The following ZRSR2 variants were observed in gnomAD, a reference collection of about 807,000 sequenced individuals.
ZRSR2 encodes U2 small nuclear ribonucleoprotein auxiliary factor 35 kDa subunit-related protein 2.
ZRSR2 carries 3 observed loss-of-function variants against 39.4 expected under a neutral mutation model. That is an observed-to-expected ratio of 0.08 (90% CI 0.03 to 0.20). ZRSR2 has a LOEUF of 0.20. ZRSR2 is among the 10% of genes least tolerant of loss of function. ZRSR2 has a pLI of 1.00. For missense variants in ZRSR2, 256 were observed against 391.5 expected, an observed-to-expected ratio of 0.65 and a Z score of 2.92; for synonymous variants, 137 against 136.0, an observed-to-expected ratio of 1.01 and a Z score of -0.05.
At position 15,823,188 on chromosome X, in the gene ZRSR2, C is replaced by T; in HGVS notation, c.1395C>T (p.Gly465=). 8.4e-7 allele frequency: 1 copy of T among 1,197,331 alleles called. No individual in the cohort carries two copies. Among genetic ancestry groups the T allele is most frequent in the Non-Finnish European group, 1.1e-6 (1 of 889,292 alleles). Residue 465 remains glycine, a synonymous_variant, in exon 11 of 11, where the codon GGC becomes GGT. Coordinates refer to ENST00000307771, the MANE Select transcript of ZRSR2 (RefSeq NM_005089.4). ...GTTCCTCTAGGTCCCGAAGTCGTGG[C>T]AGGAGGAGGTCGGGTAATAGAGACA... ...SQSSSRSRSR[G]RRRSGNRDRT... is the part of the protein sequence containing the mutation.
intron 7 of ZRSR2, among the ~76,000 whole-genome samples, chrX:15,811,081 C>T (rs1932874001): frequency 9.1e-6 from 1 of 109,293 alleles, no homozygotes; most frequent in Non-Finnish European, 1.9e-5. Context: ...TGAAAAGAGT[C>T]ATGGGATCTG....
Position 15,808,234 on chromosome X carries a change from A to C in ZRSR2, c.401A>C (p.Glu134Ala), listed in dbSNP as rs1342896987. 1 of 1,208,686 alleles carries C rather than the reference A, an allele frequency of 8.3e-7. No homozygotes were observed. The highest frequency in any genetic ancestry group is 1.8e-5 in the South Asian group (1 of 56,339). ...AGTCCTGTGTTTGCACCATTTTAGG[A>C]AGCTTTGCAGAAGATGCTGGATCAG... ...QKRQEKKEKE[E>A]ALQKMLDQAE... Residue 134 changes from glutamate (E) to alanine (A), a missense_variant and splice_region_variant, in exon 6 of 11, where the codon GAA becomes GCA. Physicochemically the swap from Glu to Ala is moderately radical, Grantham distance 107. Transcript: ENST00000307771.
At chrX:15,813,379 G>A (rs1180868656) in intron 7 of ZRSR2, among the ~76,000 whole-genome samples, 1 of 112,269 alleles carries the variant, frequency 8.9e-6, no homozygotes, top group East Asian at 2.8e-4. Flanking sequence ...ATGGTCTAGG[G>A]TAGGAAGTAA....
intron 2 of ZRSR2, among the ~76,000 whole-genome samples, chrX:15,798,284 A>AT (rs762188251): frequency 6.3e-5 from 7 of 111,214 alleles, no homozygotes; most frequent in Admixed American, 1.9e-4. Context: ...ACTTTCACTG[A>AT]TTTTTTTCCC....
chrX:15,815,832 A>G lies in ZRSR2; in HGVS notation c.713A>G (p.Asp238Gly), dbSNP rs1268952799. ...GAAGAAACCTACCAACAGTTCCTAG[A>G]CTTCTATGAGGATGTGTTGCCCGAG... ...SEEETYQQFL[D>G]FYEDVLPEFK... is the part of the protein sequence containing the mutation. Residue 238 changes from aspartate to glycine, a missense_variant, in exon 8 of 11, where the codon GAC becomes GGC. Asp to Gly is a moderately conservative substitution (Grantham distance 94). Coordinates refer to ENST00000307771, the MANE Select transcript of ZRSR2 (RefSeq NM_005089.4). 1 of 1,210,240 alleles carries G rather than the reference A, an allele frequency of 8.3e-7. No individual in the cohort carries two copies. The highest frequency in any genetic ancestry group is 2.2e-5 in the Admixed American group (1 of 45,768).
chrX:15,800,906 A>G (rs1327073209), intron 3 of ZRSR2, among the ~76,000 whole-genome samples: 1 of 112,379 alleles, frequency 8.9e-6, no homozygotes, highest in Non-Finnish European at 1.9e-5. Flanking sequence ...ATCCTTGGTA[A>G]TTGTCCAGTT....
rs780249405 is a variant in ZRSR2 at position 15,822,162 on chromosome X, T to C, written c.938-569T>C. Among the ~76,000 whole-genome samples, 3 of 111,110 alleles carry C rather than the reference T, an allele frequency of 2.7e-5. No individual in the cohort carries two copies. In the East Asian group the frequency reaches 8.5e-4, roughly 31 times the overall value. On this transcript the variant is annotated intron_variant, in intron 10 of 10. Coordinates refer to ENST00000307771, the MANE Select transcript of ZRSR2 (RefSeq NM_005089.4). ...CCTGCCACCACGCCCAGCTAATTTTTGTATTTTTAGTAGAGATGGGGTTTC... is the reference window on the plus strand; with the variant it reads ...CCTGCCACCACGCCCAGCTAATTTTCGTATTTTTAGTAGAGATGGGGTTTC...
intron 3 of ZRSR2, among the ~76,000 whole-genome samples, chrX:15,801,119 G>A (rs767225429): frequency 1.6e-4 from 18 of 112,842 alleles, no homozygotes; most frequent in Admixed American, 1.6e-3. Context: ...TGTTTCAAAT[G>A]CACATTTCTG....
chrX:15,790,784 A>G, intron 1 of ZRSR2, 150 bp from the exon 2 acceptor site: 1 of 603,423 alleles, frequency 1.7e-6, no homozygotes, highest in South Asian at 2.8e-5. Context: ...AGGCGATGAT[A>G]GATGGCTGTT....
chrX:15,798,465 T>C, intron 2 of ZRSR2, among the ~76,000 whole-genome samples: 1 of 112,451 alleles, frequency 8.9e-6, no homozygotes. Context: ...TTTCTTTCTT[T>C]TTCTCTATTT....
At chrX:15,816,451 A>G (rs1163387821) in intron 8 of ZRSR2, among the ~76,000 whole-genome samples, 1 of 111,783 alleles carries the variant, frequency 8.9e-6, no homozygotes, top group Non-Finnish European at 1.9e-5. Flanking sequence ...GTTTTTATTC[A>G]TTGGATTCTT....
intron 2 of ZRSR2, among the ~76,000 whole-genome samples, chrX:15,797,052 C>T (rs1475858462): frequency 9.2e-6 from 1 of 108,959 alleles, no homozygotes; most frequent in East Asian, 2.9e-4. Context: ...CCTCGGCCTC[C>T]GAAAGTGCTA....
intron 7 of ZRSR2, among the ~76,000 whole-genome samples, chrX:15,813,708 C>T (rs958583147): frequency 7.1e-5 from 8 of 112,062 alleles, no homozygotes; most frequent in African/African-American, 2.6e-4. Flanking sequence ...TAATTCTCTG[C>T]ATGCTTCATA....
At chrX:15,805,929 C>CAA (rs34575364) in intron 5 of ZRSR2, among the ~76,000 whole-genome samples, 2 of 66,415 alleles carry the variant, frequency 3.0e-5, no homozygotes, top group Non-Finnish European at 5.6e-5. Flanking sequence ...GACTTCGTCT[C>CAA]AAAAAAAAAA....
At chrX:15,804,042 A>G in intron 4 of ZRSR2, 69 bp from the exon 5 acceptor site, 7 of 1,087,768 alleles carry the variant, frequency 6.4e-6, no homozygotes, top group Non-Finnish European at 7.2e-6. Flanking sequence ...TTTTTCATCT[A>G]TGTGCGCTGT....
intron 7 of ZRSR2, among the ~76,000 whole-genome samples, chrX:15,811,661 T>C (rs1932885228): frequency 8.9e-6 from 1 of 112,165 alleles, no homozygotes; most frequent in Admixed American, 9.4e-5. Context: ...CTCTTGACAT[T>C]GTGATCCACG....
At chrX:15,812,491 A>G (rs944556797) in intron 7 of ZRSR2, among the ~76,000 whole-genome samples, 7 of 112,016 alleles carry the variant, frequency 6.2e-5, no homozygotes, top group Non-Finnish European at 1.1e-4. Flanking sequence ...CATCAGAGGA[A>G]CACTTCCATA....
At chrX:15,818,556 T>C in intron 8 of ZRSR2, 31 bp from the exon 9 acceptor site, 2 of 1,179,486 alleles carry the variant, frequency 1.7e-6, no homozygotes, top group Non-Finnish European at 2.3e-6. Context: ...TTCCTGAATT[T>C]TTTATGATAG....
intron 10 of ZRSR2, among the ~76,000 whole-genome samples, chrX:15,821,915 A>AAT (rs1044785441): frequency 9.0e-6 from 1 of 111,375 alleles, no homozygotes; most frequent in African/African-American, 3.3e-5. Flanking sequence ...AAAAGCACTT[A>AAT]GTGAATTTGA....
Sources: allele counts gnomAD v4.1 joint callset (sites outside exome capture counted in the v4.1 genomes callset), GRCh38; gene constraint gnomAD v4.1.1; transcripts MANE v1.5; gene names NCBI Gene and HGNC (gene_info 2026-07-23, HGNC 2026-07-21).